Variants in CLIP2 observed in about 807,000 individuals in gnomAD.
The protein encoded by CLIP2 is CAP-Gly domain containing linker protein 2, also known as CAP-Gly domain-containing linker protein 2.
Under a neutral mutation model 111.7 loss-of-function variants are expected in CLIP2, and 41 were observed. The ratio of observed to expected loss-of-function variants is 0.37; its 90% confidence interval spans 0.29 to 0.48. The LOEUF (loss-of-function observed/expected upper bound fraction) is 0.48. Among genes scored for constraint, CLIP2 ranks in the 20% least tolerant of loss-of-function variants. The pLI, the probability that CLIP2 is intolerant of heterozygous loss-of-function variation, is 0.99. For missense variants in CLIP2, 1,160 were observed against 1,422.1 expected (o/e 0.82, Z 2.96); for synonymous variants, 660 against 644.2 (o/e 1.02, Z -0.37).
chr7:74,387,935 C>A (rs1393987865), intron 12 of CLIP2, among the ~76,000 whole-genome samples: 1 of 152,168 alleles, frequency 6.6e-6, no homozygotes, highest in Non-Finnish European at 1.5e-5. Context: ...TGCCTATAAT[C>A]TCAGCACTTT....
intron 3 of CLIP2, among the ~76,000 whole-genome samples, chr7:74,339,823 C>G (rs1427629058): frequency 6.6e-6 from 1 of 151,986 alleles, no homozygotes; most frequent in Non-Finnish European, 1.5e-5. Context: ...CACAGTGGTT[C>G]GTGCTTGTAA....
intron 6 of CLIP2, among the ~76,000 whole-genome samples, chr7:74,359,549 G>T (rs924712296): frequency 3.3e-5 from 5 of 151,680 alleles, no homozygotes; most frequent in South Asian, 2.1e-4. Flanking sequence ...TAGAGATGGG[G>T]TTTCACCATG....
At chr7:74,319,824 A>AG (rs1788894475) in intron 2 of CLIP2, among the ~76,000 whole-genome samples, 1 of 149,174 alleles carries the variant, frequency 6.7e-6, no homozygotes, top group Non-Finnish European at 1.5e-5. Context: ...CTAAAAAAAA[A>AG]AGAGAGAGAG....
At chr7:74,395,365 A>AC (rs1282172578) in intron 13 of CLIP2, among the ~76,000 whole-genome samples, 1 of 151,900 alleles carries the variant, frequency 6.6e-6, no homozygotes, top group Non-Finnish European at 1.5e-5. Context: ...CACCATGTTG[A>AC]CAGGCTGGTC....
intron 11 of CLIP2, among the ~76,000 whole-genome samples, chr7:74,385,004 C>T (rs929669562): frequency 4.0e-5 from 6 of 149,840 alleles, no homozygotes; most frequent in Admixed American, 6.7e-5. Context: ...AGGCTAGGCG[C>T]GGTGGCTCAT....
At chr7:74,347,016 G>A (rs1318473456) in intron 3 of CLIP2, among the ~76,000 whole-genome samples, 7 of 152,128 alleles carry the variant, frequency 4.6e-5, no homozygotes, top group African/African-American at 1.2e-4. Context: ...TCCAGCCTGG[G>A]TGACAGAGGG....
intron 1 of CLIP2, among the ~76,000 whole-genome samples, chr7:74,301,121 A>G (rs1788323620): frequency 6.6e-6 from 1 of 152,216 alleles, no homozygotes; most frequent in South Asian, 2.1e-4. Flanking sequence ...AATAATAGCC[A>G]GTCTTACTGG....
chr7:74,349,841 C>T (rs1554307179), intron 3 of CLIP2, among the ~76,000 whole-genome samples: 1 of 151,578 alleles, frequency 6.6e-6, no homozygotes, highest in Non-Finnish European at 1.5e-5. Context: ...TCTTTAGCTC[C>T]TGACCTCAAG....
At chr7:74,392,914 A>G (rs1791333759) in intron 13 of CLIP2, among the ~76,000 whole-genome samples, 1 of 152,162 alleles carries the variant, frequency 6.6e-6, no homozygotes, top group South Asian at 2.1e-4. Context: ...TCACCCCATC[A>G]TAGCTGGGGA....
At chr7:74,371,699 A>G (rs1298529176) in intron 8 of CLIP2, among the ~76,000 whole-genome samples, 4 of 145,684 alleles carry the variant, frequency 2.7e-5, no homozygotes, top group Admixed American at 6.9e-5. Flanking sequence ...GGGAGAAAGA[A>G]GAGAGAGAAA....
chr7:74,337,931 G>T (rs117927418), intron 2 of CLIP2, among the ~76,000 whole-genome samples: 4,101 of 152,232 alleles, frequency 0.027, 103 homozygotes, highest in Non-Finnish European at 0.043. Flanking sequence ...CTTTCCTGGG[G>T]ACGCTCTGGA....
intron 3 of CLIP2, among the ~76,000 whole-genome samples, chr7:74,350,490 G>C (rs1186510376): frequency 6.6e-6 from 1 of 152,024 alleles, no homozygotes; most frequent in East Asian, 1.9e-4. Context: ...TTACAGGCAT[G>C]AGCCACCATC....
chr7:74,388,786 C>T (rs1584385804), intron 12 of CLIP2: 1 of 192,088 alleles, frequency 5.2e-6, no homozygotes, highest in Non-Finnish European at 1.0e-5. Flanking sequence ...CAGAGTGAGA[C>T]TTTGTCTCCA....
chr7:74,343,199 C>A (rs1203764254), intron 3 of CLIP2, among the ~76,000 whole-genome samples: 6 of 151,130 alleles, frequency 4.0e-5, no homozygotes, highest in Admixed American at 2.6e-4. Flanking sequence ...AAAAAAAAAA[C>A]AAGAAAAAAA....
At chr7:74,310,273 T>C (rs1788609074) in intron 1 of CLIP2, among the ~76,000 whole-genome samples, 1 of 150,906 alleles carries the variant, frequency 6.6e-6, no homozygotes, top group African/African-American at 2.4e-5. Context: ...TCCTGTAATC[T>C]CAGCACTTTG....
rs376641829 is a variant in CLIP2, at chr7:74,293,922, G to GT, written c.-68+4199dup. Among the ~76,000 whole-genome samples, 802 of 144,978 alleles carry GT rather than the reference G, an allele frequency of 5.5e-3. 5 individuals are homozygous for GT. Among genetic ancestry groups the GT allele is most frequent in the African/African-American group, 0.012 (496 of 39,790 alleles). On this transcript the variant is annotated intron_variant, in intron 1 of 16. Transcript: ENST00000223398. Reference sequence around the variant, plus strand: ...AGCGTGGGACTCGGGCTTTTTTTTTGTTTTTTTTTTTGAGATGGAGTTTCG... The same window carrying GT: ...AGCGTGGGACTCGGGCTTTTTTTTTGTTTTTTTTTTTTGAGATGGAGTTTCG...
chr7:74,306,500 G>T (rs187761012), intron 1 of CLIP2, among the ~76,000 whole-genome samples: 1 of 152,254 alleles, frequency 6.6e-6, no homozygotes, highest in Admixed American at 6.5e-5. Flanking sequence ...AGGCTGGCCC[G>T]CCAAACCAAG....
At chr7:74,326,995 A>C (rs1554730740) in intron 2 of CLIP2, among the ~76,000 whole-genome samples, 1 of 151,828 alleles carries the variant, frequency 6.6e-6, no homozygotes, top group African/African-American at 2.4e-5. Context: ...CAGCGGCACG[A>C]TCTCAGCTCA....
chr7:74,351,408 G>A (rs1349267376), intron 3 of CLIP2, among the ~76,000 whole-genome samples: 1 of 126,172 alleles, frequency 7.9e-6, no homozygotes, highest in Non-Finnish European at 1.5e-5. Context: ...CCGAGATCAC[G>A]CCACTGCATT....
Sources: allele counts gnomAD v4.1 joint callset (sites outside exome capture counted in the v4.1 genomes callset), GRCh38; gene constraint gnomAD v4.1.1; transcripts MANE v1.5; gene names NCBI Gene and HGNC (gene_info 2026-07-23, HGNC 2026-07-21).